Variants in NOL4 observed in about 807,000 individuals in gnomAD.
The protein encoded by NOL4 is nucleolar protein 4.
A neutral mutation model predicts 75.9 loss-of-function variants in NOL4; 17 were observed. The ratio of observed to expected loss-of-function variants is 0.22; its 90% CI spans 0.15 to 0.34. The LOEUF (loss-of-function observed/expected upper bound fraction) is 0.34. Ranked by LOEUF, NOL4 falls within the 10% of genes least tolerant of loss-of-function variation. NOL4 has a pLI of 1.00. For synonymous variants in NOL4, 292 were observed against 289.9 expected (o/e 1.01, Z -0.07); for missense variants, 614 against 793.5 (o/e 0.77, Z 2.72).
intron 8 of NOL4, among the ~76,000 whole-genome samples, chr18:33,944,479 G>C (rs1201450918): frequency 6.6e-6 from 1 of 151,846 alleles, no homozygotes; most frequent in Non-Finnish European, 1.5e-5. Context: ...TTCTGCAGCT[G>C]CCTTAGCAGA....
At chr18:33,921,669 T>G (rs1314751157) in intron 9 of NOL4, among the ~76,000 whole-genome samples, 1 of 151,940 alleles carries the variant, frequency 6.6e-6, no homozygotes, top group African/African-American at 2.4e-5. Context: ...CCCCTAGAGG[T>G]TTTTGAGGGA....
intron 9 of NOL4, among the ~76,000 whole-genome samples, chr18:33,911,824 T>G (rs1243372370): frequency 6.6e-6 from 1 of 152,132 alleles, no homozygotes; most frequent in Non-Finnish European, 1.5e-5. Context: ...CAGAGATGTA[T>G]AGCTTTCAGC....
At chr18:33,870,106 T>C (rs577213847) in intron 10 of NOL4, among the ~76,000 whole-genome samples, 18 of 152,252 alleles carry the variant, frequency 1.2e-4, no homozygotes, top group South Asian at 1.0e-3. Flanking sequence ...GAAGTACACA[T>C]ACATCATGGA....
chr18:34,192,101 A>C (rs769133557), intron 1 of NOL4, among the ~76,000 whole-genome samples: 5 of 152,176 alleles, frequency 3.3e-5, no homozygotes, highest in Admixed American at 6.5e-5. Context: ...CAAGATTTTC[A>C]GCTAAAAGGA....
chr18:34,046,607 C>CATATATAT (rs35281852), intron 5 of NOL4, among the ~76,000 whole-genome samples: 5,366 of 81,440 alleles, frequency 0.066, 503 homozygotes, highest in South Asian at 0.091. Context: ...TTTACTTATA[C>CATATATAT]ATATATATAT....
At chr18:34,221,249 G>A (rs1255309707) in intron 1 of NOL4, 1 of 152,080 alleles carries the variant, frequency 6.6e-6, no homozygotes, top group East Asian at 1.9e-4. Flanking sequence ...ATGATATTAT[G>A]AAATAATACC....
Position 34,162,530 on chromosome 18 carries a change from T to G in NOL4, c.265-32510A>C, listed in dbSNP as rs559861234. On this transcript the variant is annotated intron_variant, in intron 1 of 10. Coordinates refer to ENST00000261592, the MANE Select transcript of NOL4 (RefSeq NM_003787.5). ...CTGGACACATACGCCCTCCCAAGACTAAACCAGGAAGAAGTTGAATCTCTG... is the reference window on the plus strand; with the variant it reads ...CTGGACACATACGCCCTCCCAAGACGAAACCAGGAAGAAGTTGAATCTCTG... 1.8e-4 allele frequency among the ~76,000 whole-genome samples: 27 copies of G among 152,242 alleles called. 1 individual carries two copies. In the South Asian group the frequency reaches 5.2e-3, roughly 29 times the overall value.
chr18:34,063,575 C>T (rs927943199), intron 5 of NOL4, among the ~76,000 whole-genome samples: 1 of 152,136 alleles, frequency 6.6e-6, no homozygotes, highest in African/African-American at 2.4e-5. Flanking sequence ...TTCGCTCTTG[C>T]ACTTAAAATG....
chr18:34,129,117 G>A (rs1298158984), intron 2 of NOL4, among the ~76,000 whole-genome samples: 1 of 151,616 alleles, frequency 6.6e-6, no homozygotes, highest in African/African-American at 2.4e-5. Context: ...TTTTATAAAG[G>A]TTTTAATTAA....
chr18:34,139,136 C>A (rs1324102762), intron 1 of NOL4, among the ~76,000 whole-genome samples: 6 of 152,040 alleles, frequency 3.9e-5, no homozygotes, highest in Non-Finnish European at 7.4e-5. Flanking sequence ...GTCTAAAATT[C>A]TCCTTTTTTG....
intron 5 of NOL4, among the ~76,000 whole-genome samples, chr18:34,053,270 G>T (rs2145004737): frequency 6.6e-6 from 1 of 151,882 alleles, no homozygotes. Flanking sequence ...CTCTTAAATT[G>T]CCAAGAGCAA....
At chr18:34,219,583 G>A (rs746286956) in intron 1 of NOL4, among the ~76,000 whole-genome samples, 6 of 152,232 alleles carry the variant, frequency 3.9e-5, no homozygotes, top group Non-Finnish European at 7.3e-5. Flanking sequence ...GTGTAAAACA[G>A]AGTTACCATA....
chr18:33,984,348 C>T (rs975881783), intron 6 of NOL4, among the ~76,000 whole-genome samples: 3 of 152,040 alleles, frequency 2.0e-5, no homozygotes, highest in Admixed American at 2.0e-4. Flanking sequence ...AAATATCCCT[C>T]TAGGTTGGTG....
chr18:34,129,360 A>T (rs1338124487), intron 2 of NOL4, among the ~76,000 whole-genome samples: 1 of 151,844 alleles, frequency 6.6e-6, no homozygotes, highest in Non-Finnish European at 1.5e-5. Flanking sequence ...GAAAATTAAG[A>T]AATACATACC....
chr18:34,040,008 G>T (rs971766746), intron 5 of NOL4, among the ~76,000 whole-genome samples: 13 of 152,038 alleles, frequency 8.6e-5, no homozygotes, highest in African/African-American at 3.1e-4. Context: ...AAGTAGGCTA[G>T]GCTAAGATAT....
intron 10 of NOL4, among the ~76,000 whole-genome samples, chr18:33,870,337 G>A (rs1390424211): frequency 6.6e-6 from 1 of 151,972 alleles, no homozygotes; most frequent in African/African-American, 2.4e-5. Context: ...CAGAGGCTGG[G>A]GTGAATAGGG....
chr18:33,993,201 C>T (rs1284456765), intron 6 of NOL4, among the ~76,000 whole-genome samples: 1 of 151,850 alleles, frequency 6.6e-6, no homozygotes, highest in Non-Finnish European at 1.5e-5. Context: ...TTAGTCTGAA[C>T]AGCAAATTAT....
chr18:33,971,386 G>A (rs1242741381), intron 6 of NOL4, among the ~76,000 whole-genome samples: 1 of 152,182 alleles, frequency 6.6e-6, no homozygotes, highest in African/African-American at 2.4e-5. Flanking sequence ...TTCTGTGTAT[G>A]AGAATTTTGC....
chr18:33,892,807 A>G (rs907559520), intron 9 of NOL4, among the ~76,000 whole-genome samples: 5 of 151,830 alleles, frequency 3.3e-5, no homozygotes, highest in African/African-American at 1.2e-4. Flanking sequence ...ACAGGTGCAC[A>G]CTGCCTTCCT....
Sources: gnomAD v4.1 joint callset for allele counts (sites outside exome capture counted in the v4.1 genomes callset) on GRCh38, gnomAD v4.1.1 for gene constraint, MANE v1.5 for transcripts, NCBI Gene and HGNC (gene_info 2026-07-23, HGNC 2026-07-21) for gene names.